The following GALNTL6 variants were observed in gnomAD, a reference collection of about 807,000 sequenced individuals.
The protein encoded by GALNTL6 is polypeptide N-acetylgalactosaminyltransferase like 6.
In GALNTL6, 46 loss-of-function variants were observed where a neutral mutation model predicts 73.7. That is an observed-to-expected ratio of 0.62 (90% CI 0.49 to 0.80). The LOEUF (loss-of-function observed/expected upper bound fraction) is 0.80. GALNTL6 is among the 30% of genes least tolerant of loss of function. The pLI, the probability that GALNTL6 is intolerant of heterozygous loss-of-function variation, is 0.00. For synonymous variants in GALNTL6, 259 were observed against 263.7 expected, an observed-to-expected ratio of 0.98 and a Z score of 0.17; for missense variants, 604 against 755.0, an observed-to-expected ratio of 0.80 and a Z score of 2.34.
chr4:172,174,010 A>AT (rs1734913849), intron 2 of GALNTL6, among the ~76,000 whole-genome samples: 1 of 152,206 alleles, frequency 6.6e-6, no homozygotes, highest in African/African-American at 2.4e-5. Context: ...TCATTGAAGG[A>AT]TTTTAAGCAG....
chr4:172,293,364 C>T (rs989640070), intron 3 of GALNTL6, among the ~76,000 whole-genome samples: 1 of 152,046 alleles, frequency 6.6e-6, no homozygotes, highest in Non-Finnish European at 1.5e-5. Flanking sequence ...CATTTGTGGT[C>T]ACTCATGATG....
At chr4:172,998,077 G>A (rs986749052) in intron 10 of GALNTL6, among the ~76,000 whole-genome samples, 2 of 152,176 alleles carry the variant, frequency 1.3e-5, no homozygotes, top group Non-Finnish European at 2.9e-5. Flanking sequence ...CAGGGCAAGA[G>A]AGAGATGCCA....
chr4:171,832,228 T>C (rs575188354), intron 2 of GALNTL6, among the ~76,000 whole-genome samples: 1 of 151,598 alleles, frequency 6.6e-6, no homozygotes, highest in South Asian at 2.1e-4. Context: ...CAGTCAAATA[T>C]TTGCCACCAA....
chr4:172,852,692 GT>G (rs1743898568), intron 7 of GALNTL6, among the ~76,000 whole-genome samples: 1 of 152,024 alleles, frequency 6.6e-6, no homozygotes. Context: ...ACACTAATGT[GT>G]TTATATACAT....
intron 2 of GALNTL6, among the ~76,000 whole-genome samples, chr4:171,864,663 A>C (rs183863660): frequency 2.6e-5 from 4 of 152,126 alleles, no homozygotes; most frequent in African/African-American, 9.7e-5. Flanking sequence ...TTTTTAAGAG[A>C]TGCAATATTT....
chr4:173,017,678 A>T (rs1008577113), intron 11 of GALNTL6, among the ~76,000 whole-genome samples: 2 of 152,188 alleles, frequency 1.3e-5, no homozygotes, highest in African/African-American at 4.8e-5. Context: ...ATCAACAGGT[A>T]ATAATAATAA....
intron 5 of GALNTL6, among the ~76,000 whole-genome samples, chr4:172,725,655 G>C (rs925934687): frequency 1.3e-5 from 2 of 152,190 alleles, no homozygotes; most frequent in African/African-American, 4.8e-5. Flanking sequence ...TTAGAGATAG[G>C]CTTAGAGTTT....
rs534169683 is a variant in GALNTL6 at position 172,386,881 on chromosome 4, A to C, written c.553+38192A>C. Among the ~76,000 whole-genome samples, 4 of 152,150 alleles carry C rather than the reference A, an allele frequency of 2.6e-5. No homozygotes were observed. The South Asian group carries it at 8.3e-4, about 32-fold the overall frequency. ...AACCTACCAACTCAAAGGCCAATCT[A>C]CTCCAGAAATACCCTCATAGGTACA... On this transcript the variant is annotated intron_variant, in intron 5 of 12. Transcript: ENST00000506823.
chr4:173,034,450 C>T (rs1186031397), intron 12 of GALNTL6, among the ~76,000 whole-genome samples: 1 of 152,174 alleles, frequency 6.6e-6, no homozygotes, highest in Admixed American at 6.5e-5. Context: ...TTTCCCCTTG[C>T]TCCAGCTATA....
chr4:172,867,226 A>G (rs1744705954), intron 7 of GALNTL6, among the ~76,000 whole-genome samples: 2 of 152,212 alleles, frequency 1.3e-5, no homozygotes, highest in South Asian at 2.1e-4. Context: ...CCTAGGACAA[A>G]AAGGGTATAA....
chr4:172,230,562 A>G (rs1737025476), intron 3 of GALNTL6, among the ~76,000 whole-genome samples: 1 of 57,822 alleles, frequency 1.7e-5, no homozygotes, highest in Non-Finnish European at 4.3e-5. Flanking sequence ...GCCGGGCGAT[A>G]GAGTGAGACT....
intron 9 of GALNTL6, among the ~76,000 whole-genome samples, chr4:172,947,486 A>C (rs1000521285): frequency 6.6e-6 from 1 of 152,154 alleles, no homozygotes; most frequent in African/African-American, 2.4e-5. Flanking sequence ...ATATAAGGCA[A>C]CCTCTAGAGA....
chr4:172,101,362 TG>T (rs980775699), intron 2 of GALNTL6, among the ~76,000 whole-genome samples: 5 of 152,312 alleles, frequency 3.3e-5, no homozygotes, highest in African/African-American at 1.2e-4. Context: ...AAACACTCAT[TG>T]GGGAGCCTAA....
chr4:172,628,196 G>T (rs1194856600), intron 5 of GALNTL6, among the ~76,000 whole-genome samples: 2 of 151,922 alleles, frequency 1.3e-5, no homozygotes, highest in Admixed American at 6.6e-5. Flanking sequence ...TACTTAGTTG[G>T]TTTATTATTA....
At chr4:172,946,362 G>A (rs1191422941) in intron 9 of GALNTL6, among the ~76,000 whole-genome samples, 1 of 152,172 alleles carries the variant, frequency 6.6e-6, no homozygotes, top group African/African-American at 2.4e-5. Context: ...AACAGGGATT[G>A]AATAGTCTAG....
At chr4:172,187,484 T>TA (rs1410812204) in intron 2 of GALNTL6, among the ~76,000 whole-genome samples, 1 of 152,122 alleles carries the variant, frequency 6.6e-6, no homozygotes, top group Admixed American at 6.5e-5. Context: ...TAGTGTTCAT[T>TA]ACAGTTTTTT....
chr4:172,162,546 A>G lies in GALNTL6; in HGVS notation c.139-67110A>G, dbSNP rs151215702. Among the ~76,000 whole-genome samples the G allele has an allele frequency of 3.9e-3, 590 of 152,038 alleles. 3 individuals carry two copies. Among genetic ancestry groups the G allele is most frequent in the African/African-American group, 0.013 (551 of 41,508 alleles). On this transcript the variant is annotated intron_variant, in intron 2 of 12. Coordinates refer to ENST00000506823, the MANE Select transcript of GALNTL6 (RefSeq NM_001034845.3). ...AGTAGTCTAAGGGGGTCACGAGGAA[A>G]CCTCCAAACATGGTCATTCACTAGG...
intron 8 of GALNTL6, among the ~76,000 whole-genome samples, chr4:172,913,744 A>G (rs770134415): frequency 6.6e-6 from 1 of 152,248 alleles, no homozygotes; most frequent in Non-Finnish European, 1.5e-5. Context: ...GGACTATGTG[A>G]AAAGACCAAA....
intron 2 of GALNTL6, among the ~76,000 whole-genome samples, chr4:171,917,954 A>G (rs185217810): frequency 2.6e-5 from 4 of 152,210 alleles, no homozygotes; most frequent in Non-Finnish European, 5.9e-5. Flanking sequence ...TGCTTCTATG[A>G]TAGCTATTTT....
Sources: allele counts gnomAD v4.1 joint callset (sites outside exome capture counted in the v4.1 genomes callset), GRCh38; gene constraint gnomAD v4.1.1; transcripts MANE v1.5; gene names NCBI Gene and HGNC (gene_info 2026-07-23, HGNC 2026-07-21).